The following DACH2 variants were observed in gnomAD, a reference collection of about 807,000 sequenced individuals.
The protein encoded by DACH2 is dachshund family transcription factor 2, also known as dachshund homolog 2.
A neutral mutation model predicts 35.8 loss-of-function variants in DACH2; 17 were observed. The ratio of observed to expected loss-of-function variants is 0.48; its 90% CI spans 0.33 to 0.71. The LOEUF is 0.71. Among genes scored for constraint, DACH2 ranks in the 30% least tolerant of loss-of-function variants. The pLI is 0.02. For missense variants in DACH2, 469 were observed against 472.7 expected, an observed-to-expected ratio of 0.99 and a Z score of 0.07; for synonymous variants, 195 against 177.3, an observed-to-expected ratio of 1.10 and a Z score of -0.79.
At chrX:86,751,117 A>C (rs1193067985) in intron 7 of DACH2, among the ~76,000 whole-genome samples, 1 of 111,283 alleles carries the variant, frequency 9.0e-6, no homozygotes, top group Non-Finnish European at 1.9e-5. Context: ...ATCTCATTCT[A>C]TGATACCAAA....
chrX:86,461,432 A>C (rs1473762913), intron 2 of DACH2, among the ~76,000 whole-genome samples: 1 of 111,323 alleles, frequency 9.0e-6, no homozygotes, highest in Non-Finnish European at 1.9e-5. Context: ...TCTACCACCA[A>C]CGTTTGGAAG....
At chrX:86,495,064 T>C (rs1359046123) in intron 2 of DACH2, among the ~76,000 whole-genome samples, 2 of 111,297 alleles carry the variant, frequency 1.8e-5, no homozygotes, top group Non-Finnish European at 3.8e-5. Context: ...TTATTTATTT[T>C]GGAGACCGAG....
At chrX:86,542,404 G>A (rs186374794) in intron 3 of DACH2, among the ~76,000 whole-genome samples, 1 of 111,013 alleles carries the variant, frequency 9.0e-6, no homozygotes, top group African/African-American at 3.3e-5. Flanking sequence ...AGTTCTTGTG[G>A]GAATAGAATA....
At chrX:86,401,834 A>G (rs2036439422) in intron 2 of DACH2, among the ~76,000 whole-genome samples, 1 of 111,731 alleles carries the variant, frequency 9.0e-6, no homozygotes, top group Admixed American at 9.5e-5. Context: ...AAGTTAATTT[A>G]CCACAATAAG....
chrX:86,821,565 A>AT (rs2042512529), intron 11 of DACH2, among the ~76,000 whole-genome samples: 1 of 110,922 alleles, frequency 9.0e-6, no homozygotes, highest in Non-Finnish European at 1.9e-5. Flanking sequence ...CCTCCACAGG[A>AT]TTTTTATCCT....
chrX:86,419,016 C>T (rs2036756472), intron 2 of DACH2, among the ~76,000 whole-genome samples: 1 of 111,734 alleles, frequency 8.9e-6, no homozygotes, highest in Non-Finnish European at 1.9e-5. Context: ...ACAAGGGTTG[C>T]CTTTGCTCCA....
chrX:86,698,154 A>G (rs1454510751), intron 5 of DACH2, among the ~76,000 whole-genome samples: 3 of 111,257 alleles, frequency 2.7e-5, no homozygotes, highest in Admixed American at 1.9e-4. Context: ...GGCAAACAGG[A>G]AGAGAGTAGA....
intron 1 of DACH2, among the ~76,000 whole-genome samples, chrX:86,290,405 G>A (rs1219826248): frequency 4.8e-5 from 3 of 62,824 alleles, no homozygotes; most frequent in Non-Finnish European, 8.5e-5. Context: ...TTCTTTTGCT[G>A]TGCAGAAGCT....
Position 86,295,383 on chromosome X carries a change from G to A in DACH2, c.489-81441G>A, listed in dbSNP as rs372504965. Among the ~76,000 whole-genome samples the A allele has an allele frequency of 4.8e-4, 54 of 112,048 alleles. 1 individual carries two copies. In the East Asian group the frequency reaches 6.0e-3, roughly 12 times the overall value. On this transcript the variant is annotated intron_variant, in intron 1 of 11. Coordinates refer to ENST00000373125, the MANE Select transcript of DACH2 (RefSeq NM_053281.3). ...AATGCAGAAATCACCCGTCTTCTGCGTCGCTCACGCTGGGAGCTGTAGACC... is the reference window on the plus strand; with the variant it reads ...AATGCAGAAATCACCCGTCTTCTGCATCGCTCACGCTGGGAGCTGTAGACC...
At chrX:86,283,194 AT>A (rs768613585) in intron 1 of DACH2, among the ~76,000 whole-genome samples, 3 of 111,759 alleles carry the variant, frequency 2.7e-5, no homozygotes, top group Non-Finnish European at 5.6e-5. Context: ...ATCTCATGCC[AT>A]TTAGAATAGC....
chrX:86,469,546 A>T (rs1335618649), intron 2 of DACH2, among the ~76,000 whole-genome samples: 1 of 111,196 alleles, frequency 9.0e-6, no homozygotes, highest in Admixed American at 9.7e-5. Flanking sequence ...TTGGAAATTA[A>T]GGATTTGCTT....
chrX:86,343,567 G>T (rs926619094), intron 1 of DACH2, among the ~76,000 whole-genome samples: 1 of 110,927 alleles, frequency 9.0e-6, no homozygotes, highest in African/African-American at 3.3e-5. Flanking sequence ...CTATTGTCTA[G>T]AGGAAAAGAG....
chrX:86,499,324 C>T (rs1312905217), intron 2 of DACH2, among the ~76,000 whole-genome samples: 1 of 111,360 alleles, frequency 9.0e-6, no homozygotes, highest in Non-Finnish European at 1.9e-5. Flanking sequence ...GTTAAGTTCC[C>T]ATAACCCATT....
At chrX:86,342,625 G>A (rs930076254) in intron 1 of DACH2, among the ~76,000 whole-genome samples, 3 of 109,392 alleles carry the variant, frequency 2.7e-5, no homozygotes, top group Non-Finnish European at 5.7e-5. Flanking sequence ...TGGCCAACAT[G>A]ACAAAACCCC....
chrX:86,678,084 T>C (rs1430132264), intron 4 of DACH2, among the ~76,000 whole-genome samples: 2 of 111,853 alleles, frequency 1.8e-5, no homozygotes, highest in African/African-American at 6.5e-5. Context: ...AATATTTTTT[T>C]AAAGGTAATC....
At chrX:86,224,046 T>A (rs917649316) in intron 1 of DACH2, among the ~76,000 whole-genome samples, 3 of 111,847 alleles carry the variant, frequency 2.7e-5, no homozygotes, top group Non-Finnish European at 5.7e-5. Context: ...CTCCATTTTT[T>A]GAATGTCATT....
chrX:86,295,486 C>T (rs2034431797), intron 1 of DACH2, among the ~76,000 whole-genome samples: 1 of 111,768 alleles, frequency 8.9e-6, no homozygotes, highest in Admixed American at 9.4e-5. Flanking sequence ...AACACTTCGG[C>T]TTGCTCAGGA....
At chrX:86,830,167 CATATT>C (rs367741211) in intron 11 of DACH2, 2 of 111,520 alleles carry the variant, frequency 1.8e-5, no homozygotes, top group African/African-American at 6.5e-5. Context: ...ATAAATCACT[CATATT>C]ATAGCTGAAA....
At chrX:86,253,457 A>G (rs1277794101) in intron 1 of DACH2, among the ~76,000 whole-genome samples, 2 of 111,956 alleles carry the variant, frequency 1.8e-5, no homozygotes, top group African/African-American at 6.5e-5. Flanking sequence ...TCAAGTTATC[A>G]ATACGTATTG....
Sources: gnomAD v4.1 joint callset for allele counts (sites outside exome capture counted in the v4.1 genomes callset) on GRCh38, gnomAD v4.1.1 for gene constraint, MANE v1.5 for transcripts, NCBI Gene and HGNC (gene_info 2026-07-23, HGNC 2026-07-21) for gene names.